Variants in TSC2 observed in about 807,000 individuals in gnomAD.
The protein encoded by TSC2 is tuberin.
TSC2 carries 29 observed loss-of-function variants against 202.2 expected under a neutral mutation model. The ratio of observed to expected loss-of-function variants is 0.14; its 90% CI spans 0.11 to 0.20. The LOEUF (loss-of-function observed/expected upper bound fraction) is 0.20. TSC2 is among the 10% of genes least tolerant of loss of function. The probability of loss-of-function intolerance (pLI) is 1.00; values close to 1 mark genes in which losing one functional copy is unlikely to be tolerated. For synonymous variants in TSC2, 1,349 were observed against 1,044.0 expected (o/e 1.29, Z -5.63); for missense variants, 2,429 against 2,420.0 (o/e 1.00, Z -0.08).
At chr16:2,054,769 A>T (rs2085557978) in intron 5 of TSC2, 1 of 442,006 alleles carries the variant, frequency 2.3e-6, no homozygotes. Context: ...ACCGGAGCGT[A>T]CTGGTCCCGT....
intron 34 of TSC2, 98 bp downstream of exon 34, chr16:2,084,813 G>A (rs751984574): frequency 5.3e-5 from 84 of 1,598,330 alleles, no homozygotes; most frequent in Non-Finnish European, 6.8e-5. Flanking sequence ...TGGGGTCCTC[G>A]CCTGTGCCCT....
chr16:2,076,120 A>T lies in TSC2; in HGVS notation c.2692A>T (p.Ile898Phe), dbSNP rs2151387728. The T allele has an allele frequency of 6.2e-7, 1 of 1,613,818 alleles. No homozygotes were observed. Among genetic ancestry groups the T allele is most frequent in the Non-Finnish European group, 8.5e-7 (1 of 1,180,022 alleles). The change falls in exon 24 of 42, where the codon ATC (isoleucine) becomes TTC (phenylalanine). Residue 898 changes from isoleucine (I) to phenylalanine (F), a missense_variant. Ile to Phe is a conservative substitution (Grantham distance 21, BLOSUM62 0). Coordinates refer to ENST00000219476, the MANE Select transcript of TSC2 (RefSeq NM_000548.5). ...CCATCACGTCATAGCCATGTGGTTC[A>T]TCAGGTGCCGCCTGCCCTTCCGGAA... ...LAHHVIAMWFIRCRLPFRKDF... is the reference protein window; with the variant it reads ...LAHHVIAMWFFRCRLPFRKDF...
Position 2,080,693 on chromosome 16 carries a change from C to T in TSC2, c.3610+316C>T, listed in dbSNP as rs146204288. The stretch of plus-strand genomic sequence containing the variant: ...TAGAGATGGGGTTTCACTGTGTTAG[C>T]CAGGATGGTCTCAATCTCCTGACCT... On this transcript the variant is annotated intron_variant, in intron 30 of 41. Transcript: ENST00000219476. 4.4e-3 allele frequency: 1,570 copies of T among 356,092 alleles called. 9 individuals are homozygous for T. Among genetic ancestry groups the T allele is most frequent in the East Asian group, 0.015 (238 of 16,074 alleles). The allele number at this position is 356,092 out of a possible 1,614,324, so 22.1% of individuals were successfully genotyped here.
chr16:2,081,961 C>A, intron 31 of TSC2, 163 bp downstream of exon 31: 4 of 1,032,154 alleles, frequency 3.9e-6, no homozygotes, highest in Non-Finnish European at 4.3e-6. Flanking sequence ...GGAGGCTGAC[C>A]CGTGGGAGGT....
intron 20 of TSC2, 105 bp downstream of exon 20, chr16:2,072,468 C>T (rs1188397616): frequency 1.5e-5 from 23 of 1,524,502 alleles, no homozygotes; most frequent in Non-Finnish European, 1.9e-5. Context: ...GGCTCGGGCT[C>T]CATTTCCCTC....
intron 3 of TSC2, 29 bp from the exon 4 acceptor site, chr16:2,053,313 C>T: frequency 1.9e-6 from 3 of 1,553,436 alleles, no homozygotes; most frequent in Non-Finnish European, 1.7e-6. Flanking sequence ...AGAGCACATC[C>T]TCACCGCTGT....
At position 2,088,280 on chromosome 16, in the gene TSC2, C is replaced by A. The variant is rs761621735; in HGVS notation, c.5214C>A (p.Ser1738=). 1 of 1,613,036 alleles carries A rather than the reference C, an allele frequency of 6.2e-7. No homozygotes were observed. The highest frequency in any genetic ancestry group is 1.7e-5 in the Admixed American group (1 of 60,034). ...SRSNPTDIYP[S]KWIARLRHIK... The stretch of plus-strand genomic sequence containing the variant: ...CCAACCCCACCGATATCTACCCCTC[C>A]AAGTGGATTGCCCGGCTCCGCCACA... The change falls in exon 41 of 42, where the codon TCC becomes TCA. Residue 1738 remains serine (S), a synonymous_variant. Coordinates refer to ENST00000219476, the MANE Select transcript of TSC2 (RefSeq NM_000548.5).
At chr16:2,062,628 G>T (rs1163878120) in intron 13 of TSC2, 28 bp downstream of exon 13, 7 of 1,578,636 alleles carry the variant, frequency 4.4e-6, no homozygotes, top group Non-Finnish European at 6.0e-6. Context: ...GCCTTGCCTG[G>T]CACCTGGAGC....
At chr16:2,082,201 C>G in intron 31 of TSC2, 1 of 607,400 alleles carries the variant, frequency 1.6e-6, no homozygotes, top group Non-Finnish European at 2.9e-6. Flanking sequence ...TGGCTCTTCC[C>G]TGTGGCTGCA....
chr16:2,053,473 G>A (rs1300804948), intron 4 of TSC2, 21 bp downstream of exon 4: 1 of 1,550,728 alleles, frequency 6.4e-7, no homozygotes, highest in Non-Finnish European at 8.7e-7. Context: ...GGGCGACGCT[G>A]GGATGGGTGA....
In TSC2 at chr16:2,082,458, C is replaced by A; in HGVS notation, c.3837C>A (p.Tyr1279Ter). 6.2e-7 allele frequency: 1 copy of A among 1,612,560 alleles called. No homozygotes were observed. Among genetic ancestry groups the A allele is most frequent in the South Asian group, 1.1e-5 (1 of 91,092 alleles). Residue 1279 changes from tyrosine (Y) to a stop codon, truncating the protein, a stop_gained, in exon 32 of 42, where the codon TAC becomes TAA. Coordinates refer to ENST00000219476, the MANE Select transcript of TSC2 (RefSeq NM_000548.5). LOFTEE classifies it high-confidence loss of function. Reference sequence around the variant, plus strand: ...CAGTGGCCTCTTTCTCCTCCCTGTACCAGTCCAGCTGCCAAGGACAGCTGC... The same window carrying A: ...CAGTGGCCTCTTTCTCCTCCCTGTAACAGTCCAGCTGCCAAGGACAGCTGC... ...SNTVASFSSL[Y>*]QSSCQGQLHR...
rs876658921 is a variant in TSC2 at position 2,070,485 on chromosome 16, C to T, written c.1746C>T (p.His582=). ...AGCTGTACACCCTGCCTGCAAGCCA[C>T]GCCACGCGTGTGTATGAGATGCTGG... ...QTKLYTLPAS[H]ATRVYEMLVS... Residue 582 remains histidine, a synonymous_variant, in exon 17 of 42, where the codon CAC becomes CAT. Transcript: ENST00000219476. 7 of 1,613,424 alleles carry T rather than the reference C, an allele frequency of 4.3e-6. No individual in the cohort carries two copies. The highest frequency in any genetic ancestry group is 3.3e-5 in the South Asian group (3 of 91,088).
At chr16:2,059,956 C>T (rs1399631596) in intron 10 of TSC2, among the ~76,000 whole-genome samples, 3 of 152,216 alleles carry the variant, frequency 2.0e-5, no homozygotes, top group African/African-American at 4.8e-5. Flanking sequence ...CCACTGCGCG[C>T]AGCCCAAAGG....
rs137854242 is a variant in TSC2, at chr16:2,074,352, A to G, written c.2508A>G (p.Thr836=). The change falls in exon 22 of 42, where the codon ACA becomes ACG. Residue 836 remains threonine (T), a synonymous_variant. Coordinates refer to ENST00000219476, the MANE Select transcript of TSC2 (RefSeq NM_000548.5). ...TGAAGCTCACGCACATCTCAGCCACAGCCAGCATGGCCGTCCCACTGCTGG... is the reference window on the plus strand; with the variant it reads ...TGAAGCTCACGCACATCTCAGCCACGGCCAGCATGGCCGTCCCACTGCTGG... ...LVVKLTHISA[T]ASMAVPLLEF... is the part of the protein sequence containing the mutation. 1 of 1,612,486 alleles carries G rather than the reference A, an allele frequency of 6.2e-7. No individual in the cohort carries two copies.
intron 38 of TSC2, 139 bp downstream of exon 38, chr16:2,087,010 C>T (rs2090894743): frequency 4.6e-6 from 6 of 1,297,648 alleles, no homozygotes; most frequent in Middle Eastern, 2.6e-4. Flanking sequence ...GCCCCGTGGG[C>T]ACGAGCTTCA....
chr16:2,062,350 C>A, intron 12 of TSC2, 147 bp from the exon 13 acceptor site: 1 of 775,698 alleles, frequency 1.3e-6, no homozygotes, highest in Admixed American at 2.3e-5. Context: ...TCCCCGCTGC[C>A]AGGAGTGCCT....
intron 1 of TSC2, chr16:2,048,362 G>A: frequency 1.1e-6 from 1 of 871,062 alleles, no homozygotes; most frequent in Non-Finnish European, 1.9e-6. Context: ...GCGGGCGGCA[G>A]CGTCTGAGTA....
At chr16:2,076,260 A>G in intron 24 of TSC2, 90 bp downstream of exon 24, 4 of 1,588,200 alleles carry the variant, frequency 2.5e-6, no homozygotes, top group Non-Finnish European at 3.4e-6. Context: ...AGTGACAGGC[A>G]GGTGGAGGGC....
At chr16:2,071,373 A>AT in intron 17 of TSC2, 137 bp from the exon 18 acceptor site, 3 of 799,738 alleles carry the variant, frequency 3.8e-6, no homozygotes, top group Non-Finnish European at 6.3e-6. Context: ...CTGTGTTGGG[A>AT]TGTGGGTGTG....
Sources: allele counts gnomAD v4.1 joint callset (sites outside exome capture counted in the v4.1 genomes callset), GRCh38; gene constraint gnomAD v4.1.1; transcripts MANE v1.5; gene names NCBI Gene and HGNC (gene_info 2026-07-23, HGNC 2026-07-21).